Variants in GASK1A observed in about 807,000 individuals in gnomAD.
GASK1A encodes Golgi-associated kinase 1A.
GASK1A carries 40 observed loss-of-function variants against 41.2 expected under a neutral mutation model. That is an observed-to-expected ratio of 0.97 (90% CI 0.75 to 1.27). The LOEUF is 1.27. Among genes scored for constraint, GASK1A ranks in the 50% most tolerant of loss-of-function variants. GASK1A has a pLI of 0.00. For missense variants in GASK1A, 678 were observed against 745.1 expected (o/e 0.91, Z 1.05); for synonymous variants, 316 against 307.1 (o/e 1.03, Z -0.30).
chr3:43,047,964 C>T lies in GASK1A; in HGVS notation c.1291-5557C>T, dbSNP rs189767920. 3.0e-4 allele frequency among the ~76,000 whole-genome samples: 45 copies of T among 152,168 alleles called. No homozygotes were observed. In the Middle Eastern group the frequency reaches 0.01, roughly 35 times the overall value. ...TTGGTATAGTAGCTTACTGGTCTGG[C>T]GGCACATAACCTAAAATTGGCAGGG... On this transcript the variant is annotated intron_variant, in intron 2 of 4. Coordinates refer to ENST00000430121, the MANE Select transcript of GASK1A (RefSeq NM_001129908.3).
rs191072454 is a variant in GASK1A, at chr3:43,035,721, G to C, written c.1290+2168G>C. Among the ~76,000 whole-genome samples, 3 of 152,258 alleles carry C rather than the reference G, an allele frequency of 2.0e-5. No individual in the cohort carries two copies. In the East Asian group the frequency reaches 5.8e-4, roughly 29 times the overall value. On this transcript the variant is annotated intron_variant, in intron 2 of 4. Transcript: ENST00000430121. Reference sequence around the variant, plus strand: ...TCATTCATGTAATGTACTTAGTACAGTGCCTGGCGGGTGGCACATACTCAG... The same window carrying C: ...TCATTCATGTAATGTACTTAGTACACTGCCTGGCGGGTGGCACATACTCAG...
At chr3:43,034,146 A>G (rs1438391235) in intron 2 of GASK1A, among the ~76,000 whole-genome samples, 3 of 152,230 alleles carry the variant, frequency 2.0e-5, no homozygotes, top group East Asian at 1.9e-4. Flanking sequence ...CTTTGACTCA[A>G]CAAGGATTCA....
chr3:43,015,170 G>C (rs2089483721), intron 1 of GASK1A, among the ~76,000 whole-genome samples: 1 of 151,184 alleles, frequency 6.6e-6, no homozygotes, highest in Admixed American at 6.6e-5. Flanking sequence ...GTCACAGAAA[G>C]GGGCAGGGTG....
At chr3:43,010,269 A>G (rs2125679361) in intron 1 of GASK1A, among the ~76,000 whole-genome samples, 1 of 152,310 alleles carries the variant, frequency 6.6e-6, no homozygotes, top group Admixed American at 6.5e-5. Context: ...GAGTCTGAAA[A>G]GGTGAACTCG....
intron 1 of GASK1A, among the ~76,000 whole-genome samples, chr3:43,019,082 T>A (rs1377991349): frequency 2.0e-5 from 3 of 152,244 alleles, no homozygotes; most frequent in Non-Finnish European, 4.4e-5. Flanking sequence ...GATTAAATTA[T>A]AAGTAAGGTT....
At chr3:42,994,790 C>T (rs1308631699) in intron 1 of GASK1A, among the ~76,000 whole-genome samples, 2 of 151,926 alleles carry the variant, frequency 1.3e-5, no homozygotes, top group Non-Finnish European at 2.9e-5. Flanking sequence ...TTTCCCCCGA[C>T]AGCATCCACC....
intron 1 of GASK1A, among the ~76,000 whole-genome samples, chr3:43,022,159 G>A (rs2089525657): frequency 2.0e-5 from 3 of 152,184 alleles, no homozygotes; most frequent in Non-Finnish European, 4.4e-5. Flanking sequence ...TCCCCCTTAT[G>A]TTTTCTCTAA....
At position 43,032,976 on chromosome 3, in the gene GASK1A, G is replaced by C. The variant is rs2089585846; in HGVS notation, c.713G>C (p.Gly238Ala). 6.4e-7 allele frequency: 1 copy of C among 1,551,324 alleles called. No individual in the cohort carries two copies. The highest frequency in any genetic ancestry group is 2.0e-5 in the Admixed American group (1 of 50,918). Reference protein sequence around the residue: ...QWPGSVEKLQGSVWCDAETLL... With the variant: ...QWPGSVEKLQASVWCDAETLL... ...CCTGGCTCTGTTGAGAAGCTGCAAG[G>C]GTCAGTATGGTGTGATGCTGAGACG... The change falls in exon 2 of 5, where the codon GGG becomes GCG. Residue 238 changes from glycine to alanine, a missense_variant. Gly to Ala is a moderately conservative substitution (Grantham distance 60, BLOSUM62 0). Coordinates refer to ENST00000430121, the MANE Select transcript of GASK1A (RefSeq NM_001129908.3).
At chr3:43,023,471 T>C (rs906207219) in intron 1 of GASK1A, among the ~76,000 whole-genome samples, 1 of 152,194 alleles carries the variant, frequency 6.6e-6, no homozygotes, top group Admixed American at 6.5e-5. Flanking sequence ...TACTGTGACA[T>C]ATGCATATGT....
chr3:42,998,545 C>T (rs1271408683), intron 1 of GASK1A, among the ~76,000 whole-genome samples: 1 of 152,184 alleles, frequency 6.6e-6, no homozygotes, highest in Non-Finnish European at 1.5e-5. Flanking sequence ...CTCATATCAA[C>T]CCTAGGAGGC....
In GASK1A at chr3:43,006,940, C is replaced by T. The variant is rs57664746; in HGVS notation, c.4-25327C>T. On this transcript the variant is annotated intron_variant, in intron 1 of 4. Transcript: ENST00000430121. The stretch of plus-strand genomic sequence containing the variant: ...TCTCCCAATGATCAAAGCTTTGCTC[C>T]ACTCGACATAAGTTTCCCTATACTT... 1.1e-3 allele frequency among the ~76,000 whole-genome samples: 173 copies of T among 151,860 alleles called. 4 individuals are homozygous for T. The East Asian group carries it at 0.031, about 27-fold the overall frequency.
chr3:43,051,411 G>A (rs1489021638), intron 2 of GASK1A, among the ~76,000 whole-genome samples: 2 of 152,190 alleles, frequency 1.3e-5, no homozygotes, highest in South Asian at 2.1e-4. Context: ...CAACACGTAT[G>A]TATGCAATTG....
At chr3:43,048,386 G>C (rs546906543) in intron 2 of GASK1A, among the ~76,000 whole-genome samples, 1 of 152,294 alleles carries the variant, frequency 6.6e-6, no homozygotes, top group South Asian at 2.1e-4. Flanking sequence ...AGACCATGAG[G>C]GGTTTCTATC....
At chr3:42,986,403 A>G (rs923408506) in intron 1 of GASK1A, among the ~76,000 whole-genome samples, 9 of 152,242 alleles carry the variant, frequency 5.9e-5, no homozygotes, top group African/African-American at 1.9e-4. Context: ...GGTGGTGGAC[A>G]TGCAAATCTA....
At chr3:43,004,258 G>A (rs1173027348) in intron 1 of GASK1A, among the ~76,000 whole-genome samples, 1 of 152,304 alleles carries the variant, frequency 6.6e-6, no homozygotes, top group African/African-American at 2.4e-5. Context: ...TTGACTTCAG[G>A]TGAAAGCTAT....
At chr3:43,035,791 C>T (rs2089601080) in intron 2 of GASK1A, among the ~76,000 whole-genome samples, 1 of 152,252 alleles carries the variant, frequency 6.6e-6, no homozygotes, top group Admixed American at 6.5e-5. Context: ...AACTCATCCA[C>T]TCTTCATGGC....
At chr3:42,998,628 G>A (rs1006760083) in intron 1 of GASK1A, among the ~76,000 whole-genome samples, 23 of 152,170 alleles carry the variant, frequency 1.5e-4, no homozygotes, top group African/African-American at 5.3e-4. Context: ...CTCAGCAGGA[G>A]TGTGCGGTAG....
chr3:43,029,169 C>T (rs1008140204), intron 1 of GASK1A, among the ~76,000 whole-genome samples: 1 of 151,944 alleles, frequency 6.6e-6, no homozygotes, highest in Non-Finnish European at 1.5e-5. Context: ...GGCCCTGAGT[C>T]GCCTTGTATT....
At chr3:43,028,719 G>A (rs1303146666) in intron 1 of GASK1A, among the ~76,000 whole-genome samples, 1 of 152,126 alleles carries the variant, frequency 6.6e-6, no homozygotes, top group Non-Finnish European at 1.5e-5. Context: ...CCAGGTTTGG[G>A]GAGCACAGGT....
Sources: allele counts gnomAD v4.1 joint callset (sites outside exome capture counted in the v4.1 genomes callset), GRCh38; gene constraint gnomAD v4.1.1; transcripts MANE v1.5; gene names NCBI Gene and HGNC (gene_info 2026-07-23, HGNC 2026-07-21).